Variants in TAS2R41 observed in about 807,000 individuals in gnomAD.
TAS2R41 encodes taste receptor type 2 member 41.
A neutral mutation model predicts 25.1 loss-of-function variants in TAS2R41; 33 were observed. That is an observed-to-expected ratio of 1.31 (90% CI 1.00 to 1.76). The LOEUF (loss-of-function observed/expected upper bound fraction) is 1.76, where lower values mean the gene tolerates loss of function less well. Ranked by LOEUF, TAS2R41 falls within the 40% of genes most tolerant of loss-of-function variation. The pLI, the probability that TAS2R41 is intolerant of heterozygous loss-of-function variation, is 0.00. For missense variants in TAS2R41, 319 were observed against 359.4 expected, an observed-to-expected ratio of 0.89 and a Z score of 0.91; for synonymous variants, 151 against 151.6, an observed-to-expected ratio of 1.00 and a Z score of 0.03.
In TAS2R41 at chr7:143,478,367, T is replaced by C; in HGVS notation, c.495T>C (p.Ser165=). Residue 165 remains serine (S), a synonymous_variant, in exon 1 of 1, where the codon TCT becomes TCC. Coordinates refer to ENST00000408916, the MANE Select transcript of TAS2R41 (RefSeq NM_176883.2). ...AAGAATTTTTAATTAGAAAATTTTC[T>C]GGGAACATGACCTACAAGTGGAATA... ...VYQEFLIRKF[S]GNMTYKWNTR... 1 of 1,614,134 alleles carries C rather than the reference T, an allele frequency of 6.2e-7. No homozygotes were observed. Among genetic ancestry groups the C allele is most frequent in the South Asian group, 1.1e-5 (1 of 91,062 alleles).
rs766448538 is a variant in TAS2R41, at chr7:143,478,320, T to G, written c.448T>G (p.Trp150Gly). The G allele has an allele frequency of 2.5e-6, 4 of 1,614,146 alleles. No homozygotes were observed. The highest frequency in any genetic ancestry group is 2.2e-5 in the East Asian group (1 of 44,868). ...ISFIITLLFFWVNYPVYQEFL... is the reference protein window; with the variant it reads ...ISFIITLLFFGVNYPVYQEFL... Reference sequence around the variant, plus strand: ...CTTCATCATAACCCTGCTGTTTTTTTGGGTGAACTACCCTGTATATCAAGA... The same window carrying G: ...CTTCATCATAACCCTGCTGTTTTTTGGGGTGAACTACCCTGTATATCAAGA... The change falls in exon 1 of 1, where the codon TGG becomes GGG. Residue 150 changes from tryptophan (W) to glycine (G), a missense_variant. Coordinates refer to ENST00000408916, the MANE Select transcript of TAS2R41 (RefSeq NM_176883.2).
chr7:143,478,438 G>A lies in TAS2R41; in HGVS notation c.566G>A (p.Trp189Ter). 6.2e-7 allele frequency: 1 copy of A among 1,614,020 alleles called. No individual in the cohort carries two copies. ...YYFPSLKLVI[W>*]SIPFSVFLVS... is the part of the protein sequence containing the mutation. ...TTCCCATCCCTGAAACTGGTCATCT[G>A]GTCAATTCCTTTTTCTGTTTTTCTG... Residue 189 changes from tryptophan (W) to a stop codon, truncating the protein, a stop_gained, in exon 1 of 1, where the codon TGG becomes TAG. Transcript: ENST00000408916. LOFTEE classifies it high-confidence loss of function.
rs1432135455 is a variant in TAS2R41 at position 143,478,205 on chromosome 7, T to G, written c.333T>G (p.Ile111Met). 1 of 1,614,090 alleles carries G rather than the reference T, an allele frequency of 6.2e-7. No individual in the cohort carries two copies. Among genetic ancestry groups the G allele is most frequent in the Admixed American group, 1.7e-5 (1 of 60,014 alleles). ...TCAGTGTCCTGTTCTGTGTGAAGAT[T>G]GCTAACATCACACACTCCACCTTCC... is the stretch of plus-strand genomic sequence containing the variant. The part of the protein sequence containing the change: ...SWLSVLFCVK[I>M]ANITHSTFLW... Residue 111 changes from isoleucine to methionine, a missense_variant, in exon 1 of 1, where the codon ATT becomes ATG. By Grantham distance (10) the Ile-to-Met change is conservative. Coordinates refer to ENST00000408916, the MANE Select transcript of TAS2R41 (RefSeq NM_176883.2).
In TAS2R41 at chr7:143,478,486, A is replaced by G. The variant is rs1395203432; in HGVS notation, c.614A>G (p.Asn205Ser). ...CTGGTCTCAATTATGCTGTTAATTA[A>G]TTCTCTGAGGAGGCATACTCAGAGA... ...VFLVSIMLLI[N>S]SLRRHTQRMQ... The change falls in exon 1 of 1, where the codon AAT (asparagine) becomes AGT (serine). Residue 205 changes from asparagine (N) to serine (S), a missense_variant. Coordinates refer to ENST00000408916, the MANE Select transcript of TAS2R41 (RefSeq NM_176883.2). The G allele has an allele frequency of 6.2e-7, 1 of 1,614,060 alleles. No homozygotes were observed. Among genetic ancestry groups the G allele is most frequent in the Non-Finnish European group, 8.5e-7 (1 of 1,180,012 alleles).
chr7:143,478,524 G>C lies in TAS2R41; in HGVS notation c.652G>C (p.Gly218Arg). Reference sequence around the variant, plus strand: ...GCATACTCAGAGAATGCAGCACAACGGGCACAGCCTGCAGGACCCCAGCAC... The same window carrying C: ...GCATACTCAGAGAATGCAGCACAACCGGCACAGCCTGCAGGACCCCAGCAC... The part of the protein sequence containing the change: ...RRHTQRMQHN[G>R]HSLQDPSTQA... Residue 218 changes from glycine to arginine, a missense_variant, in exon 1 of 1, where the codon GGG (glycine) becomes CGG (arginine). Coordinates refer to ENST00000408916, the MANE Select transcript of TAS2R41 (RefSeq NM_176883.2). 1 of 1,614,032 alleles carries C rather than the reference G, an allele frequency of 6.2e-7. No individual in the cohort carries two copies. The highest frequency in any genetic ancestry group is 8.5e-7 in the Non-Finnish European group (1 of 1,179,998).
rs1807070109 is a variant in TAS2R41, at chr7:143,478,286, C to T, written c.414C>T (p.Val138=). 6.2e-7 allele frequency: 1 copy of T among 1,613,956 alleles called. No individual in the cohort carries two copies. Among genetic ancestry groups the T allele is most frequent in the Non-Finnish European group, 8.5e-7 (1 of 1,179,998 alleles). ...TGCCCTGGCTCCTGTTGGGCTCTGT[C>T]CTGATCTCCTTCATCATAACCCTGC... The part of the protein sequence containing the change: ...GWVPWLLLGS[V]LISFIITLLF... Residue 138 remains valine, a synonymous_variant, in exon 1 of 1, where the codon GTC becomes GTT. Transcript: ENST00000408916.
Position 143,478,683 on chromosome 7 carries a change from G to A in TAS2R41, c.811G>A (p.Ala271Thr), listed in dbSNP as rs201939849. 3.2e-4 allele frequency: 518 copies of A among 1,614,062 alleles called. No homozygotes were observed. The highest frequency in any genetic ancestry group is 1.3e-3 in the Admixed American group (79 of 60,012). Residue 271 changes from alanine to threonine, a missense_variant, in exon 1 of 1, where the codon GCA becomes ACA. Transcript: ENST00000408916. ...CGACTTTTACTGGCCATGGCAAATT[G>A]CAGTCTACCTGTGCATATCTGTCCA... is the stretch of plus-strand genomic sequence containing the variant. ...QNDFYWPWQI[A>T]VYLCISVHPF... is the part of the protein sequence containing the mutation.
chr7:143,478,088 G>T lies in TAS2R41; in HGVS notation c.216G>T (p.Gln72His). ...GTVHNFYYSA[Q>H]KVEYSGGLGR... ...TGCACAACTTCTACTACTCTGCCCA[G>T]AAGGTCGAGTACTCTGGGGGTCTCG... The change falls in exon 1 of 1, where the codon CAG (glutamine) becomes CAT (histidine). Residue 72 changes from glutamine to histidine, a missense_variant. Coordinates refer to ENST00000408916, the MANE Select transcript of TAS2R41 (RefSeq NM_176883.2). 1 of 1,614,146 alleles carries T rather than the reference G, an allele frequency of 6.2e-7. No individual in the cohort carries two copies.
Position 143,477,890 on chromosome 7 carries a change from G to T in TAS2R41, c.18G>T (p.Thr6=), listed in dbSNP as rs912579168. 1.9e-6 allele frequency: 3 copies of T among 1,613,942 alleles called. No homozygotes were observed. The African/African-American group carries it at 4.0e-5, about 22-fold the overall frequency. MQAAL[T]AFFVLLFSLL... ...GGGTCAGAATGCAAGCAGCACTGAC[G>T]GCCTTCTTCGTGTTGCTCTTTAGCC... Residue 6 remains threonine (T), a synonymous_variant, in exon 1 of 1, where the codon ACG becomes ACT. Transcript: ENST00000408916. The surrounding 1 kb of genome is among the most constrained non-coding windows in gnomAD (Gnocchi z 4.0).
In TAS2R41 at chr7:143,478,456, T is replaced by A. The variant is rs75955374; in HGVS notation, c.584T>A (p.Val195Asp). ...KLVIWSIPFS[V>D]FLVSIMLLIN... ...GTCATCTGGTCAATTCCTTTTTCTG[T>A]TTTTCTGGTCTCAATTATGCTGTTA... The change falls in exon 1 of 1, where the codon GTT becomes GAT. Residue 195 changes from valine to aspartate, a missense_variant. Physicochemically the swap from Val to Asp is radical, Grantham distance 152. Transcript: ENST00000408916. 5.3e-4 allele frequency: 853 copies of A among 1,614,076 alleles called. 2 individuals are homozygous for A. In the African/African-American group the frequency reaches 0.01, roughly 19 times the overall value.
In TAS2R41 at chr7:143,478,280, C is replaced by T. The variant is rs1273498080; in HGVS notation, c.408C>T (p.Gly136=). The T allele has an allele frequency of 3.7e-6, 6 of 1,613,934 alleles. No homozygotes were observed. Among genetic ancestry groups the T allele is most frequent in the Middle Eastern group, 1.6e-4 (1 of 6,084 alleles). The change falls in exon 1 of 1, where the codon GGC becomes GGT. Residue 136 remains glycine, a synonymous_variant. Transcript: ENST00000408916. ...FPGWVPWLLL[G]SVLISFIITL... ...GGTGGGTGCCCTGGCTCCTGTTGGGCTCTGTCCTGATCTCCTTCATCATAA... is the reference window on the plus strand; with the variant it reads ...GGTGGGTGCCCTGGCTCCTGTTGGGTTCTGTCCTGATCTCCTTCATCATAA...
At position 143,477,931 on chromosome 7, in the gene TAS2R41, G is replaced by A. The variant is rs921767726; in HGVS notation, c.59G>A (p.Gly20Glu). 6.2e-7 allele frequency: 1 copy of A among 1,614,068 alleles called. No homozygotes were observed. The highest frequency in any genetic ancestry group is 8.5e-7 in the Non-Finnish European group (1 of 1,180,020). ...CTCTTTAGCCTGCTGAGTCTTCTGG[G>A]GATTGCAGCGAATGGCTTCATTGTG... ...VLLFSLLSLL[G>E]IAANGFIVLV... is the part of the protein sequence containing the mutation. The change falls in exon 1 of 1, where the codon GGG (glycine) becomes GAG (glutamate). Residue 20 changes from glycine to glutamate, a missense_variant. Coordinates refer to ENST00000408916, the MANE Select transcript of TAS2R41 (RefSeq NM_176883.2). This position sits in a 1 kb window ranked among gnomAD's most constrained non-coding sequence, Gnocchi z 4.0.
Position 143,478,211 on chromosome 7 carries a change from C to T in TAS2R41, c.339C>T (p.Asn113=). Residue 113 remains asparagine, a synonymous_variant, in exon 1 of 1, where the codon AAC becomes AAT. Transcript: ENST00000408916. ...TCCTGTTCTGTGTGAAGATTGCTAACATCACACACTCCACCTTCCTGTGGC... is the reference window on the plus strand; with the variant it reads ...TCCTGTTCTGTGTGAAGATTGCTAATATCACACACTCCACCTTCCTGTGGC... The part of the protein sequence containing the change: ...LSVLFCVKIA[N]ITHSTFLWLK... The T allele has an allele frequency of 1.5e-5, 24 of 1,614,128 alleles. No individual in the cohort carries two copies. Among genetic ancestry groups the T allele is most frequent in the Non-Finnish European group, 1.9e-5 (23 of 1,180,032 alleles).
rs1428301163 is a variant in TAS2R41 at position 143,477,948 on chromosome 7, T to C, written c.76T>C (p.Phe26Leu). Reference sequence around the variant, plus strand: ...TCTTCTGGGGATTGCAGCGAATGGCTTCATTGTGCTGGTGCTGGGCAGGGA... The same window carrying C: ...TCTTCTGGGGATTGCAGCGAATGGCCTCATTGTGCTGGTGCTGGGCAGGGA... ...LSLLGIAANGFIVLVLGREWL... is the reference protein window; with the variant it reads ...LSLLGIAANGLIVLVLGREWL... The change falls in exon 1 of 1, where the codon TTC becomes CTC. Residue 26 changes from phenylalanine (F) to leucine (L), a missense_variant. Coordinates refer to ENST00000408916, the MANE Select transcript of TAS2R41 (RefSeq NM_176883.2). This position sits in a 1 kb window ranked among gnomAD's most constrained non-coding sequence, Gnocchi z 4.0. The C allele has an allele frequency of 1.1e-5, 18 of 1,613,980 alleles. No homozygotes were observed. The highest frequency in any genetic ancestry group is 1.5e-5 in the Non-Finnish European group (18 of 1,180,018).
chr7:143,478,624 T>C lies in TAS2R41; in HGVS notation c.752T>C (p.Ile251Thr). 6.2e-7 allele frequency: 1 copy of C among 1,614,144 alleles called. No homozygotes were observed. The highest frequency in any genetic ancestry group is 8.5e-7 in the Non-Finnish European group (1 of 1,180,022). ...TATGCTCTGTCCTTTCTGTCCCTGA[T>C]CATTGATGCCGCAAAATTTATCTCC... The part of the protein sequence containing the change: ...ILYALSFLSL[I>T]IDAAKFISMQ... Residue 251 changes from isoleucine to threonine, a missense_variant, in exon 1 of 1, where the codon ATC becomes ACC. Physicochemically the swap from Ile to Thr is moderately conservative, Grantham distance 89. Coordinates refer to ENST00000408916, the MANE Select transcript of TAS2R41 (RefSeq NM_176883.2).
rs764688543 is a variant in TAS2R41, at chr7:143,478,231, TGTGGCTGAAGTGGAG to T, written c.362_376del (p.Trp121_Arg125del). On this transcript the variant is annotated inframe_deletion, in exon 1 of 1. Transcript: ENST00000408916. ...GCTAACATCACACACTCCACCTTCCTGTGGCTGAAGTGGAGGTTCCCAGGGTGGGTGCCCTGGCTC... is the reference window on the plus strand; with the variant it reads ...GCTAACATCACACACTCCACCTTCCTGTTCCCAGGGTGGGTGCCCTGGCTC... 6.8e-6 allele frequency: 11 copies of T among 1,613,978 alleles called. No individual in the cohort carries two copies. The highest frequency in any genetic ancestry group is 7.6e-6 in the Non-Finnish European group (9 of 1,180,010).
In TAS2R41 at chr7:143,478,656, A is replaced by G. The variant is rs889685786; in HGVS notation, c.784A>G (p.Asn262Asp). 1 of 1,613,976 alleles carries G rather than the reference A, an allele frequency of 6.2e-7. No individual in the cohort carries two copies. The highest frequency in any genetic ancestry group is 1.3e-5 in the African/African-American group (1 of 74,880). ...TGCCGCAAAATTTATCTCCATGCAG[A>G]ACGACTTTTACTGGCCATGGCAAAT... ...IDAAKFISMQ[N>D]DFYWPWQIAV... The change falls in exon 1 of 1, where the codon AAC becomes GAC. Residue 262 changes from asparagine (N) to aspartate (D), a missense_variant. Physicochemically the swap from Asn to Asp is conservative, Grantham distance 23. Transcript: ENST00000408916.
Position 143,478,747 on chromosome 7 carries a change from GC to G in TAS2R41, c.876del (p.Ser292ArgfsTer?). ...ATCTTCAGCAACCTCAAGCTTCGAA[GC>G]GTGTTCTCGCAGCTCCTGTTGTTGG... ...ILIFSNLKLR[S>X]VFSQLLLLAR... On this transcript the variant is annotated frameshift_variant, in exon 1 of 1. Transcript: ENST00000408916. LOFTEE classifies it high-confidence loss of function. The G allele has an allele frequency of 6.2e-7, 1 of 1,614,098 alleles. No individual in the cohort carries two copies. Among genetic ancestry groups the G allele is most frequent in the Non-Finnish European group, 8.5e-7 (1 of 1,179,978 alleles).
In TAS2R41 at chr7:143,478,108, G is replaced by T. The variant is rs763864989; in HGVS notation, c.236G>T (p.Gly79Val). Reference sequence around the variant, plus strand: ...GCCCAGAAGGTCGAGTACTCTGGGGGTCTCGGCCGACAGTTCTTCCATCTA... The same window carrying T: ...GCCCAGAAGGTCGAGTACTCTGGGGTTCTCGGCCGACAGTTCTTCCATCTA... ...YSAQKVEYSG[G>V]LGRQFFHLHW... The change falls in exon 1 of 1, where the codon GGT (glycine) becomes GTT (valine). Residue 79 changes from glycine to valine, a missense_variant. By Grantham distance (109) the Gly-to-Val change is moderately radical (BLOSUM62 -3). Coordinates refer to ENST00000408916, the MANE Select transcript of TAS2R41 (RefSeq NM_176883.2). 2 of 1,613,630 alleles carry T rather than the reference G, an allele frequency of 1.2e-6. No individual in the cohort carries two copies. The highest frequency in any genetic ancestry group is 1.7e-6 in the Non-Finnish European group (2 of 1,179,920).
Sources: gnomAD v4.1 joint callset for allele counts on GRCh38, gnomAD v4.1.1 for gene constraint, Gnocchi (gnomAD v3.1) non-coding constraint, MANE v1.5 for transcripts, NCBI Gene and HGNC (gene_info 2026-07-23, HGNC 2026-07-21) for gene names.